Variants in DDX60 observed in about 807,000 individuals in gnomAD.
The protein encoded by DDX60 is probable ATP-dependent RNA helicase DDX60.
A neutral mutation model predicts 212.8 loss-of-function variants in DDX60; 165 were observed. That is an observed-to-expected ratio of 0.78 (90% CI 0.68 to 0.88). The LOEUF (loss-of-function observed/expected upper bound fraction) is 0.88, where lower values mean the gene tolerates loss of function less well. Among genes scored for constraint, DDX60 ranks in the 40% least tolerant of loss-of-function variants. The probability of loss-of-function intolerance (pLI) is 0.00; values close to 1 mark genes in which losing one functional copy is unlikely to be tolerated. For missense variants in DDX60, 1,905 were observed against 2,003.9 expected (o/e 0.95, Z 0.94); for synonymous variants, 703 against 685.3 (o/e 1.03, Z -0.40).
At chr4:168,307,835 G>A (rs1162149839) in intron 4 of DDX60, among the ~76,000 whole-genome samples, 171 bp downstream of exon 4, 1 of 152,018 alleles carries the variant, frequency 6.6e-6, no homozygotes, top group Non-Finnish European at 1.5e-5. Context: ...CTCAAGTGTG[G>A]TGATTTCTGA....
intron 33 of DDX60, among the ~76,000 whole-genome samples, chr4:168,228,882 T>G (rs556086645): frequency 7.9e-5 from 12 of 152,286 alleles, no homozygotes; most frequent in African/African-American, 2.4e-4. Context: ...CATCTTAATT[T>G]TATCTTTATT....
chr4:168,270,225 G>A (rs150790839), intron 19 of DDX60, among the ~76,000 whole-genome samples: 41 of 152,274 alleles, frequency 2.7e-4, no homozygotes, highest in South Asian at 8.3e-4. Flanking sequence ...GTAAATGAAC[G>A]GATGAGCAAA....
intron 33 of DDX60, among the ~76,000 whole-genome samples, chr4:168,227,342 C>T (rs1317555726): frequency 2.6e-5 from 4 of 151,580 alleles, no homozygotes; most frequent in South Asian, 2.1e-4. Context: ...TAGTCAAATA[C>T]GTTGCTATAA....
At chr4:168,224,823 A>G (rs965263940) in intron 34 of DDX60, among the ~76,000 whole-genome samples, 2 of 151,966 alleles carry the variant, frequency 1.3e-5, no homozygotes, top group East Asian at 3.9e-4. Flanking sequence ...TTCTTATAAA[A>G]CCCAGATCAG....
chr4:168,272,333 T>C (rs1735138761), intron 18 of DDX60, among the ~76,000 whole-genome samples, 195 bp from the exon 19 acceptor site: 1 of 152,238 alleles, frequency 6.6e-6, no homozygotes, highest in Non-Finnish European at 1.5e-5. Flanking sequence ...ACTGAAATTT[T>C]GTTAGGCCAA....
rs182625587 is a variant in DDX60 at position 168,276,825 on chromosome 4, C to A, written c.1979-644G>T. On this transcript the variant is annotated intron_variant, in intron 14 of 37. Coordinates refer to ENST00000393743, the MANE Select transcript of DDX60 (RefSeq NM_017631.6). ...ACCTACTGAATACAGTAAGAGGCTACAAAGGAAATGTAATACAGTTCATAC... is the reference window on the plus strand; with the variant it reads ...ACCTACTGAATACAGTAAGAGGCTAAAAAGGAAATGTAATACAGTTCATAC... Among the ~76,000 whole-genome samples the A allele has an allele frequency of 9.1e-4, 139 of 152,304 alleles. 1 individual carries two copies. Among genetic ancestry groups the A allele is most frequent in the African/African-American group, 3.0e-3 (124 of 41,566 alleles).
intron 5 of DDX60, among the ~76,000 whole-genome samples, chr4:168,303,989 ACAACAATAAAAAAAGT>A (rs934319272): frequency 1.3e-5 from 2 of 152,196 alleles, no homozygotes; most frequent in African/African-American, 4.8e-5. Context: ...CTCCAAAAAA[ACAACAATAAAAAAAGT>A]ACAGCATATA....
At chr4:168,264,012 G>A (rs545630561) in intron 22 of DDX60, among the ~76,000 whole-genome samples, 5 of 151,682 alleles carry the variant, frequency 3.3e-5, no homozygotes, top group East Asian at 3.9e-4. Context: ...ACTTGCTTTC[G>A]TAAATAGCTA....
chr4:168,282,373 C>T (rs1356082215), intron 13 of DDX60, among the ~76,000 whole-genome samples: 1 of 152,114 alleles, frequency 6.6e-6, no homozygotes, highest in African/African-American at 2.4e-5. Context: ...CTGAAAATGT[C>T]CACTGAAGGC....
chr4:168,274,398 T>C (rs1241562494), intron 16 of DDX60, among the ~76,000 whole-genome samples: 1 of 152,222 alleles, frequency 6.6e-6, no homozygotes, highest in Non-Finnish European at 1.5e-5. Context: ...ATATGTATAT[T>C]ACTGATGGTG....
rs764630070 is a variant in DDX60, at chr4:168,225,699, A to G, written c.4534-23T>C. The G allele has an allele frequency of 7.5e-6, 12 of 1,605,326 alleles. 1 individual carries two copies. The South Asian group carries it at 1.3e-4, about 18-fold the overall frequency. On this transcript the variant is annotated intron_variant, in intron 33 of 37. Coordinates refer to ENST00000393743, the MANE Select transcript of DDX60 (RefSeq NM_017631.6). ...CACCTAGAAGCCGAATAATTTTCAT[A>G]GAGATAGATCTATTTACCTTCCTTC...
intron 37 of DDX60, among the ~76,000 whole-genome samples, chr4:168,220,326 C>A (rs1733007222): frequency 6.6e-6 from 1 of 152,096 alleles, no homozygotes; most frequent in Admixed American, 6.5e-5. Flanking sequence ...CTTTGACATA[C>A]ACTGCTTGTG....
intron 34 of DDX60, 115 bp from the exon 35 acceptor site, chr4:168,224,500 GA>G: frequency 6.1e-6 from 6 of 984,524 alleles, no homozygotes; most frequent in Non-Finnish European, 9.1e-6. Flanking sequence ...ATGTAATGAA[GA>G]CTGAAATGTT....
chr4:168,304,792 A>G (rs1736804783), intron 5 of DDX60, among the ~76,000 whole-genome samples: 1 of 152,216 alleles, frequency 6.6e-6, no homozygotes, highest in African/African-American at 2.4e-5. Context: ...AATTCACAAA[A>G]TAAAAAATTA....
chr4:168,309,361 T>C (rs1389511414), intron 3 of DDX60, among the ~76,000 whole-genome samples: 3 of 152,308 alleles, frequency 2.0e-5, no homozygotes, highest in South Asian at 2.1e-4. Context: ...ATGTGTGTCA[T>C]AGATTGATGC....
intron 37 of DDX60, among the ~76,000 whole-genome samples, chr4:168,220,014 C>A (rs1202605224): frequency 1.3e-5 from 2 of 151,140 alleles, no homozygotes; most frequent in Middle Eastern, 6.8e-3. Flanking sequence ...CCAGCCTGGG[C>A]AACAAGGGCA....
In DDX60 at chr4:168,221,603, T is replaced by TA. The variant is rs573848730; in HGVS notation, c.4976+126dup. The TA allele has an allele frequency of 3.8e-4, 356 of 948,776 alleles. 2 individuals are homozygous for TA. In the African/African-American group the frequency reaches 5.0e-3, roughly 13 times the overall value. 58.8% of individuals were successfully genotyped at this position (948,776 alleles called of 1,614,324 possible). On this transcript the variant is annotated intron_variant, in intron 36 of 37. Coordinates refer to ENST00000393743, the MANE Select transcript of DDX60 (RefSeq NM_017631.6). Reference sequence around the variant, plus strand: ...TAGTCTCTAAAAAAAATCAATCTAGTATGTTTAGTATGATTTAACCTGCAC... The same window carrying TA: ...TAGTCTCTAAAAAAAATCAATCTAGTAATGTTTAGTATGATTTAACCTGCAC...
chr4:168,260,427 C>G (rs1734579288), intron 25 of DDX60, among the ~76,000 whole-genome samples: 1 of 152,150 alleles, frequency 6.6e-6, no homozygotes. Flanking sequence ...GAACACCGCA[C>G]TACGATAGGG....
intron 30 of DDX60, among the ~76,000 whole-genome samples, chr4:168,244,523 G>A (rs915012033): frequency 2.0e-5 from 3 of 151,914 alleles, no homozygotes; most frequent in East Asian, 1.9e-4. Context: ...TCAGGAGATC[G>A]AGACCATCCT....
Sources: allele counts gnomAD v4.1 joint callset (sites outside exome capture counted in the v4.1 genomes callset), GRCh38; gene constraint gnomAD v4.1.1; transcripts MANE v1.5; gene names NCBI Gene and HGNC (gene_info 2026-07-23, HGNC 2026-07-21).